Variants in TENM2 observed in about 807,000 individuals in gnomAD.
TENM2 encodes the protein teneurin-2.
Under a neutral mutation model 245.2 loss-of-function variants are expected in TENM2, and 52 were observed. The ratio of observed to expected loss-of-function variants is 0.21; its 90% CI spans 0.17 to 0.27. TENM2 has a LOEUF of 0.27. Among genes scored for constraint, TENM2 ranks in the 10% least tolerant of loss-of-function variants. The pLI, the probability that TENM2 is intolerant of heterozygous loss-of-function variation, is 1.00. For synonymous variants in TENM2, 1,363 were observed against 1,438.9 expected, an observed-to-expected ratio of 0.95 and a Z score of 1.19; for missense variants, 3,046 against 3,666.8, an observed-to-expected ratio of 0.83 and a Z score of 4.37.
At chr5:167,205,623 C>T in the TENM2 span, among the ~76,000 whole-genome samples, 579 of 152,204 alleles carry the variant, frequency 3.8e-3, 7 homozygotes, top group African/African-American at 0.013. Flanking sequence ...TAGTTTTCTA[C>T]TGCTGCTTAA....
chr5:168,061,137 T>C (rs1790001931), intron 6 of TENM2, among the ~76,000 whole-genome samples: 1 of 152,158 alleles, frequency 6.6e-6, no homozygotes, highest in Admixed American at 6.5e-5. Context: ...CTTAGGAATA[T>C]AGAAGAATAA....
chr5:168,036,660 AT>A (rs1787703498), intron 5 of TENM2, among the ~76,000 whole-genome samples: 1 of 129,170 alleles, frequency 7.7e-6, no homozygotes, highest in Non-Finnish European at 1.6e-5. Context: ...ATATATATAT[AT>A]ATAATATATG....
At chr5:167,703,530 C>CA (rs747603141) in intron 2 of TENM2, among the ~76,000 whole-genome samples, 7,782 of 96,906 alleles carry the variant, frequency 0.08, 551 homozygotes, top group East Asian at 0.27. Flanking sequence ...GAAACCATCT[C>CA]AAAAAAAAAA....
intron 3 of TENM2, among the ~76,000 whole-genome samples, chr5:167,916,878 C>G (rs570669444): frequency 1.3e-5 from 2 of 152,322 alleles, no homozygotes; most frequent in East Asian, 3.9e-4. Context: ...CAGCAGCAGC[C>G]GCAGCTGATC....
the TENM2 span, among the ~76,000 whole-genome samples, chr5:166,979,198 CAGCAGCAGCAGCAGCAGCAGCAG>C: frequency 2.6e-5 from 1 of 38,818 alleles, no homozygotes; most frequent in African/African-American, 4.5e-5. Context: ...CCACCACCAG[CAGCAGCAGCAGCAGCAGCAGCAG>C]CAGCAGCAGC....
chr5:167,793,449 CT>C (rs1474843760), intron 2 of TENM2, among the ~76,000 whole-genome samples: 1 of 152,132 alleles, frequency 6.6e-6, no homozygotes, highest in African/African-American at 2.4e-5. Flanking sequence ...CAACTTACCT[CT>C]TTAGCCATTC....
chr5:167,044,388 G>A, the TENM2 span, among the ~76,000 whole-genome samples: 1 of 152,182 alleles, frequency 6.6e-6, no homozygotes, highest in Admixed American at 6.5e-5. Context: ...AACACAATGT[G>A]TTCAGTTTTT....
intron 5 of TENM2, among the ~76,000 whole-genome samples, chr5:168,022,930 G>A (rs964913373): frequency 7.2e-5 from 11 of 152,056 alleles, no homozygotes; most frequent in African/African-American, 1.9e-4. Flanking sequence ...TCTCGCCTGC[G>A]CTATCTAGGC....
At chr5:168,058,842 G>A (rs1333744024) in intron 6 of TENM2, among the ~76,000 whole-genome samples, 1 of 151,826 alleles carries the variant, frequency 6.6e-6, no homozygotes, top group Non-Finnish European at 1.5e-5. Context: ...TTCATGTTAG[G>A]CACTATACTA....
rs75052083 is a variant in TENM2 at position 168,224,789 on chromosome 5, G to A, written c.5109-1299G>A. ...CCAAGCAAAATGTCTTCATAGCTCC[G>A]CCTTCTTCCTCCCCTTCCTCCTCCA... is the stretch of plus-strand genomic sequence containing the variant. On this transcript the variant is annotated intron_variant, in intron 23 of 28. Transcript: ENST00000518659. Among the ~76,000 whole-genome samples the A allele has an allele frequency of 2.0e-3, 307 of 152,136 alleles. 1 individual carries two copies. The highest frequency in any genetic ancestry group is 3.3e-3 in the Admixed American group (50 of 15,274).
At chr5:167,814,066 G>A (rs75876553) in intron 2 of TENM2, among the ~76,000 whole-genome samples, 1 of 152,204 alleles carries the variant, frequency 6.6e-6, no homozygotes, top group East Asian at 1.9e-4. Flanking sequence ...CTCAAGGCTA[G>A]TTCAATGAAA....
At chr5:167,633,452 T>G (rs939628586) in intron 2 of TENM2, among the ~76,000 whole-genome samples, 2 of 152,104 alleles carry the variant, frequency 1.3e-5, no homozygotes, top group African/African-American at 4.8e-5. Context: ...GAGAGGAAAA[T>G]TTTCAGAAGA....
intron 2 of TENM2, among the ~76,000 whole-genome samples, chr5:167,418,077 C>A (rs2127417251): frequency 6.6e-6 from 1 of 152,268 alleles, no homozygotes; most frequent in East Asian, 1.9e-4. Flanking sequence ...CGCCTGTAAT[C>A]CCAGCACTTT....
chr5:167,575,118 G>GA (rs70976436), intron 2 of TENM2, among the ~76,000 whole-genome samples: 75,835 of 132,248 alleles, frequency 0.57, 22,016 homozygotes, highest in Middle Eastern at 0.7. Context: ...ATTTGAGAAA[G>GA]AAAAAAAAAA....
At chr5:167,658,136 T>C (rs1221856869) in intron 2 of TENM2, among the ~76,000 whole-genome samples, 1 of 152,138 alleles carries the variant, frequency 6.6e-6, no homozygotes, top group Non-Finnish European at 1.5e-5. Flanking sequence ...GCAACAGCAT[T>C]TGAGGTCTGA....
chr5:167,235,345 G>T, the TENM2 span, among the ~76,000 whole-genome samples: 2 of 152,094 alleles, frequency 1.3e-5, no homozygotes, highest in African/African-American at 4.8e-5. Context: ...ATATGAATTT[G>T]GGGGAACACA....
chr5:168,237,526 G>A (rs1175893476), intron 25 of TENM2, among the ~76,000 whole-genome samples: 1 of 152,054 alleles, frequency 6.6e-6, no homozygotes, highest in Non-Finnish European at 1.5e-5. Flanking sequence ...AGGAAACTGA[G>A]ACATGAATGG....
chr5:167,067,326 CT>C, the TENM2 span, among the ~76,000 whole-genome samples: 1 of 151,824 alleles, frequency 6.6e-6, no homozygotes, highest in East Asian at 1.9e-4. Context: ...TTTTTGAAGC[CT>C]TTGAACATAA....
chr5:167,748,686 A>G (rs539393106), intron 2 of TENM2, among the ~76,000 whole-genome samples: 12 of 152,210 alleles, frequency 7.9e-5, no homozygotes, highest in Middle Eastern at 3.4e-3. Flanking sequence ...GAAACTTACA[A>G]TCATGACAGA....
Sources: gnomAD v4.1 joint callset for allele counts (sites outside exome capture counted in the v4.1 genomes callset) on GRCh38, gnomAD v4.1.1 for gene constraint, MANE v1.5 for transcripts, NCBI Gene and HGNC (gene_info 2026-07-23, HGNC 2026-07-21) for gene names.